The following PTBP3 variants were observed in gnomAD, a reference collection of about 807,000 sequenced individuals.
PTBP3 encodes the protein polypyrimidine tract binding protein 3.
A neutral mutation model predicts 58.7 loss-of-function variants in PTBP3; 20 were observed. That is an observed-to-expected ratio of 0.34 (90% confidence interval 0.24 to 0.50). The LOEUF (loss-of-function observed/expected upper bound fraction) is 0.50, where lower values mean the gene tolerates loss of function less well. PTBP3 is among the 20% of genes least tolerant of loss of function. The pLI, the probability that PTBP3 is intolerant of heterozygous loss-of-function variation, is 0.98. For synonymous variants in PTBP3, 185 were observed against 219.8 expected, an observed-to-expected ratio of 0.84 and a Z score of 1.40; for missense variants, 509 against 637.2, an observed-to-expected ratio of 0.80 and a Z score of 2.17.
intron 1 of PTBP3, among the ~76,000 whole-genome samples, chr9:112,310,099 A>G (rs902021881): frequency 2.0e-5 from 3 of 152,342 alleles, no homozygotes; most frequent in African/African-American, 7.2e-5. Context: ...TTCTCTAAAG[A>G]ATAGTTACCA....
At chr9:112,315,427 G>T (rs1233726866) in intron 1 of PTBP3, among the ~76,000 whole-genome samples, 1 of 151,974 alleles carries the variant, frequency 6.6e-6, no homozygotes, top group Admixed American at 6.6e-5. Context: ...TGAACTAAGT[G>T]AAAATTAAAG....
At chr9:112,378,676 A>G in the PTBP3 span, among the ~76,000 whole-genome samples, 1 of 152,236 alleles carries the variant, frequency 6.6e-6, no homozygotes, top group African/African-American at 2.4e-5. Flanking sequence ...ACAACAGTCT[A>G]AAGAACACAC....
At chr9:112,344,283 G>A in the PTBP3 span, among the ~76,000 whole-genome samples, 1 of 152,094 alleles carries the variant, frequency 6.6e-6, no homozygotes, top group East Asian at 1.9e-4. Flanking sequence ...GATTATCATT[G>A]TGGCAGTGTT....
chr9:112,231,958 AGAAGAGAAG>A lies in PTBP3; in HGVS notation c.1020+132_1020+140del, dbSNP rs1564391234. 3.9e-3 allele frequency: 1,397 copies of A among 355,818 alleles called. 2 individuals are homozygous for A. The highest frequency in any genetic ancestry group is 4.8e-3 in the Non-Finnish European group (1,032 of 215,020). 22.0% of individuals were successfully genotyped at this position (355,818 alleles called of 1,614,324 possible). A position where few individuals can be genotyped will look rare whatever the true frequency, so the allele number is the denominator to read the frequency against. On this transcript the variant is annotated intron_variant, in intron 9 of 13. Coordinates refer to ENST00000374257, the MANE Select transcript of PTBP3 (RefSeq NM_001163788.4). ...AGAAGAGAAGAGAAGAGAAGAGAAGAGAAGAGAAGAGAGAAGAGAAGAGAAGAGAAGAGA... is the reference window on the plus strand; with the variant it reads ...AGAAGAGAAGAGAAGAGAAGAGAAGAAGAGAAGAGAAGAGAAGAGAAGAGA...
intron 2 of PTBP3, among the ~76,000 whole-genome samples, chr9:112,291,886 A>C (rs1828447790): frequency 6.6e-6 from 1 of 152,184 alleles, no homozygotes; most frequent in Non-Finnish European, 1.5e-5. Flanking sequence ...TCAAACTCAA[A>C]ACCCTCTGCA....
chr9:112,223,207 A>C lies in PTBP3; in HGVS notation c.*644T>G. ...CTGCATTTTTCCAAATAGTCTTAAA[A>C]AGTTAAAGATAGGCATTATTTAAAG... is the stretch of plus-strand genomic sequence containing the variant. On this transcript the variant is annotated 3_prime_UTR_variant, in exon 14 of 14. Transcript: ENST00000374257. The C allele has an allele frequency of 1.1e-6, 1 of 935,524 alleles. No individual in the cohort carries two copies. The highest frequency in any genetic ancestry group is 1.3e-6 in the Non-Finnish European group (1 of 784,158). 58.0% of individuals were successfully genotyped at this position (935,524 alleles called of 1,614,324 possible). A position where few individuals can be genotyped will look rare whatever the true frequency, so the allele number is the denominator to read the frequency against.
chr9:112,231,982 A>AAGAGAAG (rs1835241733), intron 9 of PTBP3, 117 bp downstream of exon 9: 8 of 377,652 alleles, frequency 2.1e-5, no homozygotes, highest in Admixed American at 1.4e-4. Context: ...AAGAGAAGAG[A>AAGAGAAG]AGAGAAGAGA....
intron 2 of PTBP3, among the ~76,000 whole-genome samples, chr9:112,285,721 T>G (rs1214408092): frequency 2.0e-5 from 3 of 152,262 alleles, no homozygotes; most frequent in Non-Finnish European, 4.4e-5. Flanking sequence ...AAGTTTCGTG[T>G]GCCATTTAAT....
chr9:112,252,859 C>T, intron 5 of PTBP3, 71 bp from the exon 6 acceptor site: 1 of 898,434 alleles, frequency 1.1e-6, no homozygotes, highest in Non-Finnish European at 1.7e-6. Flanking sequence ...ATAAATACAA[C>T]TTGTTCATAA....
chr9:112,338,234 A>G (rs1830591629), upstream of PTBP3, among the ~76,000 whole-genome samples: 2 of 152,248 alleles, frequency 1.3e-5, no homozygotes, highest in African/African-American at 2.4e-5. Flanking sequence ...TTGTGGTAAT[A>G]AAACAGTTCT....
At chr9:112,301,903 A>T (rs941600464) in intron 1 of PTBP3, among the ~76,000 whole-genome samples, 1 of 152,284 alleles carries the variant, frequency 6.6e-6, no homozygotes, top group Admixed American at 6.5e-5. Flanking sequence ...AATTAAAATT[A>T]AAAAATAAAA....
chr9:112,232,567 A>G (rs1835287392), intron 8 of PTBP3, among the ~76,000 whole-genome samples: 1 of 152,168 alleles, frequency 6.6e-6, no homozygotes, highest in Admixed American at 6.6e-5. Flanking sequence ...ATATATCCTA[A>G]CACCCTTCTA....
the PTBP3 span, among the ~76,000 whole-genome samples, chr9:112,347,503 G>A: frequency 2.0e-5 from 3 of 151,928 alleles, no homozygotes; most frequent in African/African-American, 7.3e-5. Context: ...CACCACGCCT[G>A]GCTAATATTT....
chr9:112,358,506 A>G, the PTBP3 span, among the ~76,000 whole-genome samples: 2 of 152,376 alleles, frequency 1.3e-5, no homozygotes, highest in Non-Finnish European at 2.9e-5. Flanking sequence ...GCTAAAGGGT[A>G]TTAAGTGTGT....
chr9:112,316,286 G>A (rs1002731437), intron 1 of PTBP3, among the ~76,000 whole-genome samples: 2 of 152,084 alleles, frequency 1.3e-5, no homozygotes, highest in Non-Finnish European at 2.9e-5. Flanking sequence ...CAAAAATGAC[G>A]GAATGCCACT....
chr9:112,228,919 C>G (rs1170787887), intron 10 of PTBP3, among the ~76,000 whole-genome samples: 1 of 152,148 alleles, frequency 6.6e-6, no homozygotes, highest in Non-Finnish European at 1.5e-5. Context: ...ACCATCAAAG[C>G]TATCAACACC....
upstream of PTBP3, among the ~76,000 whole-genome samples, chr9:112,338,052 C>A (rs537966902): frequency 6.6e-6 from 1 of 152,214 alleles, no homozygotes; most frequent in African/African-American, 2.4e-5. Context: ...ATGAAAAAAG[C>A]CAATCTCAAA....
At chr9:112,291,449 C>A (rs1828421934) in intron 2 of PTBP3, among the ~76,000 whole-genome samples, 1 of 151,940 alleles carries the variant, frequency 6.6e-6, no homozygotes, top group African/African-American at 2.4e-5. Flanking sequence ...GAAGGCCTCA[C>A]ATTTCCTAAC....
chr9:112,354,659 C>T, the PTBP3 span, among the ~76,000 whole-genome samples: 1 of 152,164 alleles, frequency 6.6e-6, no homozygotes, highest in African/African-American at 2.4e-5. Flanking sequence ...TAATTTGGCA[C>T]AGAATAAATA....
Sources: allele counts gnomAD v4.1 joint callset (sites outside exome capture counted in the v4.1 genomes callset), GRCh38; gene constraint gnomAD v4.1.1; transcripts MANE v1.5; gene names NCBI Gene and HGNC (gene_info 2026-07-23, HGNC 2026-07-21).